Variants in FSTL1 observed in about 807,000 individuals in gnomAD.
FSTL1 encodes the protein follistatin like 1, also known as follistatin-related protein 1.
Under a neutral mutation model 45.9 loss-of-function variants are expected in FSTL1, and 24 were observed. The observed-to-expected ratio is 0.52, with a 90% CI of 0.38 to 0.74. The LOEUF is 0.74. Ranked by LOEUF, FSTL1 falls within the 30% of genes least tolerant of loss-of-function variation. The pLI is 0.00. For missense variants in FSTL1, 340 were observed against 381.8 expected (o/e 0.89, Z 0.91); for synonymous variants, 120 against 137.6 (o/e 0.87, Z 0.89).
chr3:120,433,859 G>A (rs1487050654), intron 2 of FSTL1, among the ~76,000 whole-genome samples: 2 of 152,204 alleles, frequency 1.3e-5, no homozygotes, highest in African/African-American at 4.8e-5. Flanking sequence ...AAAGGCCAGT[G>A]TAGCCATAGC....
intron 2 of FSTL1, among the ~76,000 whole-genome samples, chr3:120,437,871 C>G (rs1002613177): frequency 1.3e-5 from 2 of 152,188 alleles, no homozygotes; most frequent in African/African-American, 4.8e-5. Context: ...TGTTTCCTTA[C>G]TGTGTTCACC....
At chr3:120,423,646 G>C (rs1169953605) in intron 2 of FSTL1, 1 of 152,136 alleles carries the variant, frequency 6.6e-6, no homozygotes, top group East Asian at 1.9e-4. Flanking sequence ...ACAGTGACGA[G>C]TTGGAGAGTC....
At chr3:120,420,316 T>C (rs1937256266) in intron 2 of FSTL1, among the ~76,000 whole-genome samples, 1 of 152,330 alleles carries the variant, frequency 6.6e-6, no homozygotes, top group South Asian at 2.1e-4. Context: ...CACAAAAGTA[T>C]GAACCTATAA....
intron 9 of FSTL1, among the ~76,000 whole-genome samples, chr3:120,400,627 T>C (rs1004217254): frequency 7.9e-5 from 12 of 152,226 alleles, no homozygotes; most frequent in Admixed American, 3.9e-4. Flanking sequence ...TTCTAGGACA[T>C]ATCTTCCAAA....
At chr3:120,412,036 G>T in intron 3 of FSTL1, 53 bp from the exon 4 acceptor site, 1 of 1,425,862 alleles carries the variant, frequency 7.0e-7, no homozygotes, top group Non-Finnish European at 9.7e-7. Context: ...TCGACACACA[G>T]ACACACACAC....
intron 2 of FSTL1, among the ~76,000 whole-genome samples, chr3:120,427,604 A>C (rs1302176099): frequency 6.6e-6 from 1 of 152,160 alleles, no homozygotes; most frequent in African/African-American, 2.4e-5. Context: ...ACCAGGCCAT[A>C]TATATTCAGC....
intron 2 of FSTL1, among the ~76,000 whole-genome samples, chr3:120,450,382 G>A (rs974635543): frequency 1.3e-5 from 2 of 152,094 alleles, no homozygotes; most frequent in Non-Finnish European, 2.9e-5. Context: ...TTTTGAACTC[G>A]CTGCTGCTCC....
chr3:120,412,834 G>GCACA lies in FSTL1; in HGVS notation c.169-852_169-851insTGTG, dbSNP rs1314293203. Among the ~76,000 whole-genome samples the GCACA allele has an allele frequency of 6.9e-3, 531 of 77,470 alleles. 4 individuals carry two copies. The highest frequency in any genetic ancestry group is 0.026 in the East Asian group (67 of 2,622). The allele number at this position is 77,470 out of a possible 152,430, so 50.8% of individuals were successfully genotyped here. A position where few individuals can be genotyped will look rare whatever the true frequency, so the allele number is the denominator to read the frequency against. On this transcript the variant is annotated intron_variant, in intron 3 of 10. Coordinates refer to ENST00000295633, the MANE Select transcript of FSTL1 (RefSeq NM_007085.5). ...CACACACATGTGCGCGCGCGCGCGCGCGCGCACACACACACACACACACAC... is the reference window on the plus strand; with the variant it reads ...CACACACATGTGCGCGCGCGCGCGCGCACACGCGCACACACACACACACACACAC...
chr3:120,399,922 C>G lies in FSTL1; in HGVS notation c.843G>C (p.Glu281Asp), dbSNP rs1936786014. 9 of 1,609,634 alleles carry G rather than the reference C, an allele frequency of 5.6e-6. No individual in the cohort carries two copies. The East Asian group carries it at 2.0e-4, about 36-fold the overall frequency. Residue 281 changes from glutamate to aspartate, a missense_variant, in exon 10 of 11, where the codon GAG (glutamate) becomes GAC (aspartate). Glu to Asp is a conservative substitution (Grantham distance 45). Transcript: ENST00000295633. The stretch of plus-strand genomic sequence containing the variant: ...GCTCCTGGACATATCTGGTCATCTC[C>G]TCCTCTGTCTGGGTCTGGGCCCCCT... ...NQKGAQTQTE[E>D]EMTRYVQELQ...
chr3:120,434,020 T>A (rs1275496976), intron 2 of FSTL1, among the ~76,000 whole-genome samples: 1 of 152,146 alleles, frequency 6.6e-6, no homozygotes, highest in Non-Finnish European at 1.5e-5. Flanking sequence ...AGTGGCATGA[T>A]CAGATATGTG....
chr3:120,450,833 G>A (rs1937882308), intron 1 of FSTL1, 64 bp downstream of exon 1: 2 of 960,454 alleles, frequency 2.1e-6, no homozygotes, highest in Middle Eastern at 2.2e-4. Flanking sequence ...GGCTCGCTCC[G>A]GCCGCCCAAG....
intron 10 of FSTL1, among the ~76,000 whole-genome samples, chr3:120,398,469 C>T (rs1936750784): frequency 6.6e-6 from 1 of 152,172 alleles, no homozygotes; most frequent in African/African-American, 2.4e-5. Context: ...TAACATTTCC[C>T]AGTAGCAGCC....
At chr3:120,440,538 T>C (rs968510425) in intron 2 of FSTL1, among the ~76,000 whole-genome samples, 4 of 152,228 alleles carry the variant, frequency 2.6e-5, no homozygotes, top group African/African-American at 9.6e-5. Flanking sequence ...ACTTCTCACA[T>C]TGCATCACTT....
chr3:120,392,352 A>G lies in FSTL1; in HGVS notation c.*4600T>C, dbSNP rs1936610242. 1.3e-5 allele frequency: 2 copies of G among 152,212 alleles called. No homozygotes were observed. Among genetic ancestry groups the G allele is most frequent in the Admixed American group, 1.3e-4 (2 of 15,280 alleles). 9.4% of individuals were successfully genotyped at this position (152,212 alleles called of 1,614,324 possible). On this transcript the variant is annotated 3_prime_UTR_variant, in exon 11 of 11. Transcript: ENST00000295633. ...AATAATGAATATAAAAAATAAAACA[A>G]GGAGTTACCATTTTTCCTCTATCAG...
At chr3:120,417,949 A>C (rs1367665275) in intron 2 of FSTL1, among the ~76,000 whole-genome samples, 5 of 152,230 alleles carry the variant, frequency 3.3e-5, no homozygotes, top group African/African-American at 1.2e-4. Flanking sequence ...TACATGTGGA[A>C]GTACCAACTG....
intron 2 of FSTL1, among the ~76,000 whole-genome samples, chr3:120,429,079 A>G (rs1446914696): frequency 6.6e-6 from 1 of 152,244 alleles, no homozygotes; most frequent in East Asian, 1.9e-4. Flanking sequence ...GGTGTTCATC[A>G]TGCTTGGGCT....
intron 2 of FSTL1, among the ~76,000 whole-genome samples, chr3:120,418,857 G>T (rs1937232087): frequency 6.6e-6 from 1 of 152,168 alleles, no homozygotes; most frequent in African/African-American, 2.4e-5. Context: ...TATTACTACA[G>T]TGGGCAATTT....
At chr3:120,441,586 A>G (rs1450676369) in intron 2 of FSTL1, among the ~76,000 whole-genome samples, 1 of 152,272 alleles carries the variant, frequency 6.6e-6, no homozygotes, top group Non-Finnish European at 1.5e-5. Context: ...TGGAGAGAGA[A>G]AAAGAAGCAA....
chr3:120,426,328 C>T (rs895674938), intron 2 of FSTL1, among the ~76,000 whole-genome samples: 44 of 152,172 alleles, frequency 2.9e-4, no homozygotes, highest in Non-Finnish European at 3.7e-4. Context: ...CCCTCCATCC[C>T]ATGCAAGCCC....
Sources: allele counts gnomAD v4.1 joint callset (sites outside exome capture counted in the v4.1 genomes callset), GRCh38; gene constraint gnomAD v4.1.1; transcripts MANE v1.5; gene names NCBI Gene and HGNC (gene_info 2026-07-23, HGNC 2026-07-21).